The following FILIP1 variants were observed in gnomAD, a reference collection of about 807,000 sequenced individuals.
The protein encoded by FILIP1 is filamin A interacting protein 1, also known as filamin-A-interacting protein 1.
Under a neutral mutation model 102.1 loss-of-function variants are expected in FILIP1, and 61 were observed. The observed-to-expected ratio is 0.60, with a 90% CI of 0.49 to 0.74. The LOEUF (loss-of-function observed/expected upper bound fraction) is 0.74, where lower values mean the gene tolerates loss of function less well. Ranked by LOEUF, FILIP1 falls within the 30% of genes least tolerant of loss-of-function variation. The pLI is 0.00. For missense variants in FILIP1, 1,314 were observed against 1,441.2 expected, an observed-to-expected ratio of 0.91 and a Z score of 1.43; for synonymous variants, 491 against 526.9, an observed-to-expected ratio of 0.93 and a Z score of 0.93.
At chr6:75,364,726 A>G (rs2808188) in intron 2 of FILIP1, among the ~76,000 whole-genome samples, 111,665 of 152,120 alleles carry the variant, frequency 0.73, 41,434 homozygotes, top group African/African-American at 0.85. Context: ...GTGATTCCAA[A>G]GTTGAGAGTA....
intron 4 of FILIP1, among the ~76,000 whole-genome samples, chr6:75,329,019 A>C (rs1213771847): frequency 6.6e-6 from 1 of 152,180 alleles, no homozygotes; most frequent in Non-Finnish European, 1.5e-5. Context: ...ACTTAGTCAA[A>C]CTTATGCCAG....
At chr6:75,381,505 G>A (rs751947735) in intron 2 of FILIP1, among the ~76,000 whole-genome samples, 8 of 152,248 alleles carry the variant, frequency 5.3e-5, no homozygotes, top group Non-Finnish European at 8.8e-5. Context: ...TGAGATTACA[G>A]GCGTGAGTCA....
intron 1 of FILIP1, among the ~76,000 whole-genome samples, chr6:75,480,957 T>C (rs1265638533): frequency 1.3e-5 from 2 of 152,224 alleles, no homozygotes; most frequent in African/African-American, 4.8e-5. Flanking sequence ...TTTGTACAGC[T>C]ATGTAGACTT....
At chr6:75,457,583 T>TA (rs1266813118) in intron 1 of FILIP1, among the ~76,000 whole-genome samples, 1 of 151,526 alleles carries the variant, frequency 6.6e-6, no homozygotes, top group Non-Finnish European at 1.5e-5. Flanking sequence ...ACTGATGCTT[T>TA]AAAAAAATAC....
At position 75,313,252 on chromosome 6, in the gene FILIP1, T is replaced by C; in HGVS notation, c.2580A>G (p.Ala860=). 6.2e-7 allele frequency: 1 copy of C among 1,614,226 alleles called. No homozygotes were observed. Among genetic ancestry groups the C allele is most frequent in the South Asian group, 1.1e-5 (1 of 91,086 alleles). The change falls in exon 5 of 6, where the codon GCA becomes GCG. Residue 860 remains alanine, a synonymous_variant. Coordinates refer to ENST00000237172, the MANE Select transcript of FILIP1 (RefSeq NM_015687.5). This position sits in a 1 kb window ranked among gnomAD's most constrained non-coding sequence, Gnocchi z 4.2. ...AAGACTTTCTCATAGTGAGCTCATT[T>C]GCTGCTGGAGGATACCTGTCTAGAA... ...SSVLDRYPPA[A]NELTMRKSWI... is the part of the protein sequence containing the mutation.
Position 75,314,863 on chromosome 6 carries a change from A to G in FILIP1, c.969T>C (p.Asn323=). 6.2e-7 allele frequency: 1 copy of G among 1,614,072 alleles called. No individual in the cohort carries two copies. The highest frequency in any genetic ancestry group is 8.5e-7 in the Non-Finnish European group (1 of 1,180,034). ...EHEEMNAKLA[N]QESHNRQLRL... ...TAAGTTGCCTATTGTGAGACTCTTGATTAGCCAGTTTAGCGTTCATCTCTT... is the reference window on the plus strand; with the variant it reads ...TAAGTTGCCTATTGTGAGACTCTTGGTTAGCCAGTTTAGCGTTCATCTCTT... Residue 323 remains asparagine, a synonymous_variant, in exon 5 of 6, where the codon AAT becomes AAC. Transcript: ENST00000237172.
chr6:75,387,233 G>A (rs778487310), intron 2 of FILIP1, among the ~76,000 whole-genome samples: 11 of 152,096 alleles, frequency 7.2e-5, no homozygotes, highest in Non-Finnish European at 1.2e-4. Flanking sequence ...ATTCCATGGC[G>A]TATATGTGCC....
intron 2 of FILIP1, among the ~76,000 whole-genome samples, chr6:75,374,701 G>C (rs989144779): frequency 5.3e-5 from 8 of 152,078 alleles, no homozygotes; most frequent in Admixed American, 5.2e-4. Flanking sequence ...GAATTTTTTA[G>C]AACATGGGAG....
chr6:75,323,783 A>C (rs952834239), intron 4 of FILIP1, among the ~76,000 whole-genome samples: 2 of 152,170 alleles, frequency 1.3e-5, no homozygotes, highest in Non-Finnish European at 2.9e-5. Context: ...CTCAATTATA[A>C]TCCCCATATG....
intron 1 of FILIP1, among the ~76,000 whole-genome samples, chr6:75,443,214 C>A (rs1291800696): frequency 1.3e-5 from 2 of 151,900 alleles, no homozygotes; most frequent in Non-Finnish European, 2.9e-5. Context: ...TTTTATTATC[C>A]AAATTATACT....
intron 2 of FILIP1, among the ~76,000 whole-genome samples, chr6:75,381,642 A>T (rs1052938774): frequency 6.6e-6 from 1 of 152,214 alleles, no homozygotes; most frequent in African/African-American, 2.4e-5. Flanking sequence ...TCTTTCTATT[A>T]TACCTAAAAC....
rs1243151405 is a variant in FILIP1 at position 75,313,111 on chromosome 6, G to A, written c.2721C>T (p.Gly907=). The change falls in exon 5 of 6, where the codon GGC becomes GGT. Residue 907 remains glycine, a synonymous_variant. Transcript: ENST00000237172. The surrounding 1 kb of genome is among the most constrained non-coding windows in gnomAD (Gnocchi z 4.2). The part of the protein sequence containing the change: ...PGEVVLSPKQ[G]QPLHIRVTPD... ...GTGTCACTCGAATATGCAGGGGCTG[G>A]CCCTGCTTTGGTGAAAGGACTACCT... 3.1e-6 allele frequency: 5 copies of A among 1,614,174 alleles called. No individual in the cohort carries two copies. The highest frequency in any genetic ancestry group is 2.2e-5 in the East Asian group (1 of 44,886).
At chr6:75,411,208 A>T (rs972203989) in intron 2 of FILIP1, among the ~76,000 whole-genome samples, 1 of 152,218 alleles carries the variant, frequency 6.6e-6, no homozygotes, top group African/African-American at 2.4e-5. Flanking sequence ...TGTTGGCCAC[A>T]TAAATATCTT....
intron 3 of FILIP1, among the ~76,000 whole-genome samples, chr6:75,359,064 G>A (rs909120882): frequency 3.3e-5 from 5 of 151,412 alleles, no homozygotes; most frequent in Non-Finnish European, 7.4e-5. Context: ...GTGCAGTGGC[G>A]CCATCTTGGC....
chr6:75,368,228 C>T (rs1328859743), intron 2 of FILIP1, among the ~76,000 whole-genome samples: 1 of 152,134 alleles, frequency 6.6e-6, no homozygotes, highest in African/African-American at 2.4e-5. Flanking sequence ...TCTCAGCTGG[C>T]TGGATAAGAA....
downstream of FILIP1, among the ~76,000 whole-genome samples, chr6:75,307,102 T>A (rs1773010557): frequency 6.6e-6 from 1 of 152,178 alleles, no homozygotes; most frequent in Admixed American, 6.5e-5. Flanking sequence ...CATGCCTAGC[T>A]ACTCAACATT....
chr6:75,352,112 A>T (rs1268740849), intron 4 of FILIP1, among the ~76,000 whole-genome samples: 3 of 152,336 alleles, frequency 2.0e-5, no homozygotes, highest in South Asian at 2.1e-4. Flanking sequence ...TAATTTTTTT[A>T]AAAAATGTTT....
At chr6:75,436,378 AAAAG>A (rs2149714110) in intron 1 of FILIP1, among the ~76,000 whole-genome samples, 1 of 152,200 alleles carries the variant, frequency 6.6e-6, no homozygotes, top group East Asian at 1.9e-4. Flanking sequence ...AAAAAAAAAA[AAAAG>A]AAGACACTTC....
chr6:75,372,708 AGAAAG>A (rs1178709951), intron 2 of FILIP1, among the ~76,000 whole-genome samples: 4 of 47,348 alleles, frequency 8.4e-5, no homozygotes, highest in Admixed American at 1.9e-4. Flanking sequence ...AAAGAAAGAA[AGAAAG>A]GAAAGAAAGA....
Sources: gnomAD v4.1 joint callset for allele counts (sites outside exome capture counted in the v4.1 genomes callset) on GRCh38, gnomAD v4.1.1 for gene constraint, Gnocchi (gnomAD v3.1) non-coding constraint, MANE v1.5 for transcripts, NCBI Gene and HGNC (gene_info 2026-07-23, HGNC 2026-07-21) for gene names.